Variants in RHOBTB3 observed in about 807,000 individuals in gnomAD.
The protein encoded by RHOBTB3 is rho-related BTB domain-containing protein 3.
A neutral mutation model predicts 67.2 loss-of-function variants in RHOBTB3; 47 were observed. That is an observed-to-expected ratio of 0.70 (90% CI 0.55 to 0.89). The LOEUF is 0.89. RHOBTB3 is among the 40% of genes least tolerant of loss of function. RHOBTB3 has a pLI of 0.00. For missense variants in RHOBTB3, 631 were observed against 750.0 expected (o/e 0.84, Z 1.85); for synonymous variants, 273 against 274.2 (o/e 1.00, Z 0.04).
intron 2 of RHOBTB3, 28 bp from the exon 3 acceptor site, chr5:95,736,861 A>G (rs1186504971): frequency 1.4e-6 from 2 of 1,467,776 alleles, no homozygotes. Context: ...TAAGTAGACT[A>G]AAGATTGCTA....
At chr5:95,732,519 G>T (rs989797737) in intron 2 of RHOBTB3, 3 of 254,362 alleles carry the variant, frequency 1.2e-5, no homozygotes, top group Admixed American at 1.0e-4. Context: ...TTTTCACTGG[G>T]ACAGTTCAGA....
chr5:95,747,663 C>G (rs183983229), intron 3 of RHOBTB3, among the ~76,000 whole-genome samples: 1 of 152,198 alleles, frequency 6.6e-6, no homozygotes, highest in African/African-American at 2.4e-5. Flanking sequence ...TTGGGACTTT[C>G]ACTTTTTGAG....
chr5:95,752,337 A>T lies in RHOBTB3; in HGVS notation c.669A>T (p.Gln223His). ...CCTTTCATGGAATTAGACCACCTCAACTTGAACAACCAGGTGCATTTCTTA... is the reference window on the plus strand; with the variant it reads ...CCTTTCATGGAATTAGACCACCTCATCTTGAACAACCAGGTGCATTTCTTA... ...SNSFHGIRPP[Q>H]LEQPEKMPVL... is the part of the protein sequence containing the mutation. The change falls in exon 5 of 12, where the codon CAA (glutamine) becomes CAT (histidine). Residue 223 changes from glutamine to histidine, a missense_variant. By Grantham distance (24) the Gln-to-His change is conservative. Transcript: ENST00000379982. 6.3e-7 allele frequency: 1 copy of T among 1,598,142 alleles called. No homozygotes were observed. The highest frequency in any genetic ancestry group is 8.5e-7 in the Non-Finnish European group (1 of 1,170,630).
At chr5:95,779,383 G>T (rs1034785134) in intron 8 of RHOBTB3, among the ~76,000 whole-genome samples, 2 of 152,154 alleles carry the variant, frequency 1.3e-5, no homozygotes, top group African/African-American at 4.8e-5. Context: ...ATAATCTGTT[G>T]AAGTGATCCA....
rs1755281145 is a variant in RHOBTB3, at chr5:95,731,943, G to A, written c.87G>A (p.Leu29=). Residue 29 remains leucine (L), a synonymous_variant, in exon 2 of 12, where the codon CTG becomes CTA. Transcript: ENST00000379982. ...NRPSGLIRTY[L]GRSPLVSGDE... is the part of the protein sequence containing the mutation. Reference sequence around the variant, plus strand: ...CGTCGGGGCTTATCCGCACTTACCTGGGGAGAAGCCCTCTGGTCTCCGGGG... The same window carrying A: ...CGTCGGGGCTTATCCGCACTTACCTAGGGAGAAGCCCTCTGGTCTCCGGGG... 1.9e-6 allele frequency: 3 copies of A among 1,614,118 alleles called. No homozygotes were observed. In the East Asian group the frequency reaches 6.7e-5, roughly 36 times the overall value.
chr5:95,768,283 A>G (rs1745608007), intron 8 of RHOBTB3, 117 bp downstream of exon 8: 2 of 879,462 alleles, frequency 2.3e-6, no homozygotes, highest in Admixed American at 2.5e-5. Context: ...CTACTGAGGT[A>G]TGTAGATTAA....
At chr5:95,759,644 G>A (rs759996282) in intron 6 of RHOBTB3, among the ~76,000 whole-genome samples, 1 of 152,134 alleles carries the variant, frequency 6.6e-6, no homozygotes, top group African/African-American at 2.4e-5. Context: ...TTAAACCTAC[G>A]TTTTTCTCAG....
In RHOBTB3 at chr5:95,768,091, T is replaced by G; in HGVS notation, c.1207T>G (p.Leu403Val). 6.2e-7 allele frequency: 1 copy of G among 1,612,806 alleles called. No homozygotes were observed. Among genetic ancestry groups the G allele is most frequent in the Admixed American group, 1.7e-5 (1 of 60,004 alleles). Residue 403 changes from leucine (L) to valine (V), a missense_variant, in exon 8 of 12, where the codon TTG becomes GTG. Physicochemically the swap from Leu to Val is conservative, Grantham distance 32. Coordinates refer to ENST00000379982, the MANE Select transcript of RHOBTB3 (RefSeq NM_014899.4). ...NCKTYQARKP[L>V]WFYNTSLKFF... ...CAAAACCTATCAAGCCAGAAAACCT[T>G]TGTGGTTTTATAACACTTCCCTCAA...
At chr5:95,745,218 G>A (rs565274294) in intron 3 of RHOBTB3, among the ~76,000 whole-genome samples, 5 of 152,092 alleles carry the variant, frequency 3.3e-5, no homozygotes, top group African/African-American at 7.2e-5. Context: ...TTAAGCACAC[G>A]CCATCATGCT....
chr5:95,785,982 G>A (rs1746213606), intron 10 of RHOBTB3, among the ~76,000 whole-genome samples: 1 of 152,086 alleles, frequency 6.6e-6, no homozygotes, highest in African/African-American at 2.4e-5. Context: ...TCTGGTTTCT[G>A]ACTCTGTGAT....
chr5:95,744,436 TTC>T (rs1755693370), intron 3 of RHOBTB3, among the ~76,000 whole-genome samples: 1 of 152,116 alleles, frequency 6.6e-6, no homozygotes, highest in South Asian at 2.1e-4. Context: ...CATGTCTATC[TTC>T]TCTCAGTTGA....
upstream of RHOBTB3, among the ~76,000 whole-genome samples, chr5:95,726,435 T>C (rs1406254679): frequency 1.2e-4 from 19 of 152,262 alleles, 1 homozygote; most frequent in Admixed American, 1.2e-3. Flanking sequence ...TCGCCTTCAA[T>C]ACTTTGGTGT....
intron 3 of RHOBTB3, among the ~76,000 whole-genome samples, chr5:95,742,116 G>A (rs142851689): frequency 2.0e-5 from 3 of 152,130 alleles, no homozygotes; most frequent in Non-Finnish European, 4.4e-5. Context: ...CAGGAACTCT[G>A]GTTCCTTCTA....
At chr5:95,726,841 C>T (rs1030155645), upstream of RHOBTB3, among the ~76,000 whole-genome samples, 2 of 152,230 alleles carry the variant, frequency 1.3e-5, no homozygotes, top group African/African-American at 4.8e-5. Context: ...CGCTGCCCCT[C>T]ACTGTGTATC....
chr5:95,736,654 T>G (rs1279754318), intron 2 of RHOBTB3, among the ~76,000 whole-genome samples: 3 of 152,244 alleles, frequency 2.0e-5, no homozygotes, highest in Admixed American at 6.5e-5. Context: ...GCTTATTTTA[T>G]CTGACTCTCA....
chr5:95,773,328 A>T (rs1745773586), intron 8 of RHOBTB3, among the ~76,000 whole-genome samples: 1 of 152,134 alleles, frequency 6.6e-6, no homozygotes, highest in Non-Finnish European at 1.5e-5. Flanking sequence ...TTGCTTCCCT[A>T]GCTCTAAAAC....
rs1275123427 is a variant in RHOBTB3 at position 95,752,341 on chromosome 5, G to A, written c.673G>A (p.Glu225Lys). The A allele has an allele frequency of 3.8e-6, 6 of 1,591,848 alleles. No individual in the cohort carries two copies. Among genetic ancestry groups the A allele is most frequent in the African/African-American group, 1.4e-5 (1 of 74,030 alleles). The change falls in exon 5 of 12, where the codon GAA becomes AAA. Residue 225 changes from glutamate to lysine, a missense_variant. Glu to Lys is a moderately conservative substitution (Grantham distance 56). Transcript: ENST00000379982. ...SFHGIRPPQL[E>K]QPEKMPVLKA... is the part of the protein sequence containing the mutation. Reference sequence around the variant, plus strand: ...TCATGGAATTAGACCACCTCAACTTGAACAACCAGGTGCATTTCTTAGCCA... The same window carrying A: ...TCATGGAATTAGACCACCTCAACTTAAACAACCAGGTGCATTTCTTAGCCA...
At chr5:95,739,697 AC>A (rs1163417976) in intron 3 of RHOBTB3, among the ~76,000 whole-genome samples, 5 of 152,062 alleles carry the variant, frequency 3.3e-5, no homozygotes, top group Admixed American at 3.3e-4. Context: ...GACTACAGGC[AC>A]GTGCCACCAC....
intron 7 of RHOBTB3, among the ~76,000 whole-genome samples, chr5:95,765,093 C>G (rs1745505052): frequency 6.6e-6 from 1 of 152,108 alleles, no homozygotes; most frequent in South Asian, 2.1e-4. Context: ...TTTGTGTTCT[C>G]TCAAACTTCT....
Sources: gnomAD v4.1 joint callset for allele counts (sites outside exome capture counted in the v4.1 genomes callset) on GRCh38, gnomAD v4.1.1 for gene constraint, MANE v1.5 for transcripts, NCBI Gene and HGNC (gene_info 2026-07-23, HGNC 2026-07-21) for gene names.